GPRC5D: variants seen among roughly 807,000 people sequenced by gnomAD.
GPRC5D encodes G protein-coupled receptor class C group 5 member D.
In GPRC5D, 20 loss-of-function variants were observed where a neutral mutation model predicts 29.3. The observed-to-expected ratio is 0.68, with a 90% confidence interval of 0.48 to 0.99. The LOEUF (loss-of-function observed/expected upper bound fraction) is 0.99, where lower values mean the gene tolerates loss of function less well. Ranked by LOEUF, GPRC5D falls within the 50% of genes least tolerant of loss-of-function variation. The probability of loss-of-function intolerance (pLI) is 0.00; values close to 1 mark genes in which losing one functional copy is unlikely to be tolerated. For synonymous variants in GPRC5D, 178 were observed against 171.3 expected (o/e 1.04, Z -0.30); for missense variants, 384 against 423.6 (o/e 0.91, Z 0.82).
chr12:12,946,300 CTTCCTTCCTTTTCT>C (rs1863324964), intron 1 of GPRC5D, among the ~76,000 whole-genome samples: 2 of 37,440 alleles, frequency 5.3e-5, no homozygotes, highest in Admixed American at 2.8e-4. Flanking sequence ...TTCTTCCTTC[CTTCCTTCCTTTTCT>C]TTCTTTCTTT....
rs1419073839 is a variant in GPRC5D at position 12,944,026 on chromosome 12, C to T, written c.896-1698G>A. 3.9e-5 allele frequency among the ~76,000 whole-genome samples: 6 copies of T among 152,170 alleles called. No individual in the cohort carries two copies. The East Asian group carries it at 7.7e-4, about 20-fold the overall frequency. On this transcript the variant is annotated intron_variant, in intron 1 of 2. Transcript: ENST00000228887. ...GGGCTTGAGGACCTTGGTTTGGTCT[C>T]GAAGCAGAGTCTCGGAGCCTGGGCA...
At chr12:12,950,788 CAG>C (rs1420478513), upstream of GPRC5D, among the ~76,000 whole-genome samples, 1 of 151,704 alleles carries the variant, frequency 6.6e-6, no homozygotes, top group Non-Finnish European at 1.5e-5. Flanking sequence ...GCCTGGGTGA[CAG>C]AGTGAGACTC....
At chr12:12,944,948 CT>C (rs1863271288) in intron 1 of GPRC5D, among the ~76,000 whole-genome samples, 1 of 7,386 alleles carries the variant, frequency 1.4e-4, no homozygotes, top group African/African-American at 1.6e-4. Context: ...CCTTTCTTTC[CT>C]TTTCTTTCCT....
rs138187610 is a variant in GPRC5D, at chr12:12,948,006, G to A, written c.895+1484C>T. Among the ~76,000 whole-genome samples the A allele has an allele frequency of 2.4e-4, 37 of 152,258 alleles. No individual in the cohort carries two copies. The East Asian group carries it at 3.9e-3, about 16-fold the overall frequency. ...CATAGGAGACTCCTGGCCAAACCAG[G>A]GATCATCGTATTTTAGCAGGCCTTT... is the stretch of plus-strand genomic sequence containing the variant. On this transcript the variant is annotated intron_variant, in intron 1 of 2. Coordinates refer to ENST00000228887, the Ensembl canonical transcript of GPRC5D.
At chr12:12,942,119 G>C in intron 2 of GPRC5D, 142 bp downstream of exon 3, 1 of 662,808 alleles carries the variant, frequency 1.5e-6, no homozygotes, top group South Asian at 1.9e-5. Flanking sequence ...GGTGGCTCAA[G>C]CTCCACATGC....
Position 12,949,639 on chromosome 12 carries a change from T to C in GPRC5D, c.746A>G (p.Asn249Ser), listed in dbSNP as rs139583176. ...GTACAGCAGCAGGAAAACCCATGCGTTGGTGACCAGAGCAATGCAGACGAC... is the reference window on the plus strand; with the variant it reads ...GTACAGCAGCAGGAAAACCCATGCGCTGGTGACCAGAGCAATGCAGACGAC... The change falls in exon 1 of 3, where the codon AAC becomes AGC. Residue 249 changes from asparagine (N) to serine (S), a missense_variant. Asn to Ser is a conservative substitution (Grantham distance 46). Coordinates refer to ENST00000228887, the Ensembl canonical transcript of GPRC5D. 1.2e-4 allele frequency: 197 copies of C among 1,614,184 alleles called. 1 individual carries two copies. In the African/African-American group the frequency reaches 2.3e-3, roughly 19 times the overall value.
chr12:12,946,727 T>C (rs1565478852), intron 1 of GPRC5D, among the ~76,000 whole-genome samples: 1 of 152,256 alleles, frequency 6.6e-6, no homozygotes, highest in Non-Finnish European at 1.5e-5. Context: ...AGTGGTGGGA[T>C]TGCAGGTGTG....
chr12:12,947,612 T>G (rs1417505553), intron 1 of GPRC5D, among the ~76,000 whole-genome samples: 1 of 145,086 alleles, frequency 6.9e-6, no homozygotes, highest in Admixed American at 6.9e-5. Context: ...TCACCCAGGC[T>G]GGAGTGCAGT....
intron 1 of GPRC5D, among the ~76,000 whole-genome samples, chr12:12,947,631 C>T (rs922942773): frequency 1.3e-5 from 2 of 148,790 alleles, no homozygotes; most frequent in Admixed American, 6.7e-5. Flanking sequence ...GTGGTGTAAC[C>T]GTGGCTCCCC....
At chr12:12,950,375 C>G in exon 1 of GPRC5D, 1 of 1,600,364 alleles carries the variant, frequency 6.2e-7, no homozygotes, top group Non-Finnish European at 8.5e-7. Context: ...TCGATGCAGT[C>G]CTTGTACATG....
intron 1 of GPRC5D, chr12:12,944,492 C>T (rs1180209670): frequency 2.0e-5 from 2 of 98,930 alleles, no homozygotes; most frequent in Non-Finnish European, 4.6e-5. Context: ...GTGAGTGTGC[C>T]TTGAAGAAAA....
chr12:12,945,150 C>T (rs760740463), intron 1 of GPRC5D, among the ~76,000 whole-genome samples: 8 of 151,436 alleles, frequency 5.3e-5, no homozygotes, highest in Non-Finnish European at 1.0e-4. Context: ...ACTACGGGTG[C>T]CCGACACCAC....
Position 12,944,850 on chromosome 12 carries a change from CTTCTTTCTTTCTTTCTTTCT to C in GPRC5D, c.896-2542_896-2523del, listed in dbSNP as rs57581481. Among the ~76,000 whole-genome samples the C allele has an allele frequency of 1.6e-3, 55 of 34,478 alleles. 3 individuals carry two copies. The East Asian group carries it at 0.019, about 12-fold the overall frequency. The allele number at this position is 34,478 out of a possible 152,430, so 22.6% of individuals were successfully genotyped here. A position where few individuals can be genotyped will look rare whatever the true frequency, so the allele number is the denominator to read the frequency against. On this transcript the variant is annotated intron_variant, in intron 1 of 2. Transcript: ENST00000228887. ...CCTTCCTTCCTTCCTTCCTTCCTTC[CTTCTTTCTTTCTTTCTTTCT>C]TTCTTTCTTTCTTTCTTTCTTTCTT... is the stretch of plus-strand genomic sequence containing the variant.
intron 1 of GPRC5D, among the ~76,000 whole-genome samples, chr12:12,943,824 C>T (rs1458068000): frequency 1.3e-5 from 2 of 152,198 alleles, no homozygotes; most frequent in Non-Finnish European, 2.9e-5. Flanking sequence ...AAGCCTAATT[C>T]TTCCAGCTCT....
intron 2 of GPRC5D, among the ~76,000 whole-genome samples, chr12:12,941,110 C>T (rs1863134657): frequency 6.6e-6 from 1 of 152,068 alleles, no homozygotes; most frequent in African/African-American, 2.4e-5. Context: ...GGGGTTTCAC[C>T]ATTTTGGCCA....
At chr12:12,949,528 T>C in exon 1 of GPRC5D, 11 of 1,614,136 alleles carry the variant, frequency 6.8e-6, no homozygotes, top group Non-Finnish European at 9.3e-6. Context: ...GAAGCTGTGT[T>C]GGTAGGCTGT....
At chr12:12,943,132 G>A (rs1300742372) in intron 1 of GPRC5D, among the ~76,000 whole-genome samples, 1 of 152,156 alleles carries the variant, frequency 6.6e-6, no homozygotes, top group Non-Finnish European at 1.5e-5. Flanking sequence ...TAATAAAAGA[G>A]ATCACTTGAG....
chr12:12,950,318 C>T (rs766788143), exon 1 of GPRC5D: 1 of 1,612,524 alleles, frequency 6.2e-7, no homozygotes, highest in South Asian at 1.1e-5. Context: ...AGAATGATGC[C>T]CCATGGCCCC....
intron 1 of GPRC5D, among the ~76,000 whole-genome samples, chr12:12,943,088 T>C (rs1220435069): frequency 2.6e-5 from 4 of 152,206 alleles, no homozygotes; most frequent in African/African-American, 2.4e-5. Flanking sequence ...TGAGCCACCA[T>C]GTCTCACCTG....
Sources: allele counts gnomAD v4.1 joint callset (sites outside exome capture counted in the v4.1 genomes callset), GRCh38; gene constraint gnomAD v4.1.1; transcripts MANE v1.5; gene names NCBI Gene and HGNC (gene_info 2026-07-23, HGNC 2026-07-21).